The following HSD17B12 variants were observed in gnomAD, a reference collection of about 807,000 sequenced individuals.
HSD17B12 encodes the protein very-long-chain 3-oxoacyl-CoA reductase.
Under a neutral mutation model 39.3 loss-of-function variants are expected in HSD17B12, and 32 were observed. The observed-to-expected ratio is 0.81, with a 90% confidence interval of 0.61 to 1.09. The LOEUF (loss-of-function observed/expected upper bound fraction) is 1.09. Ranked by LOEUF, HSD17B12 falls within the 50% of genes least tolerant of loss-of-function variation. The probability of loss-of-function intolerance (pLI) is 0.00; values close to 1 mark genes in which losing one functional copy is unlikely to be tolerated. For synonymous variants in HSD17B12, 150 were observed against 146.7 expected, an observed-to-expected ratio of 1.02 and a Z score of -0.16; for missense variants, 342 against 382.9, an observed-to-expected ratio of 0.89 and a Z score of 0.89.
intron 4 of HSD17B12, among the ~76,000 whole-genome samples, chr11:43,808,489 A>C (rs1007862444): frequency 3.3e-5 from 5 of 152,198 alleles, no homozygotes; most frequent in Non-Finnish European, 7.3e-5. Flanking sequence ...CCTTTTACTT[A>C]AAACTGGGTA....
intron 1 of HSD17B12, among the ~76,000 whole-genome samples, chr11:43,682,019 G>C (rs767386306): frequency 6.6e-6 from 1 of 152,066 alleles, no homozygotes; most frequent in Non-Finnish European, 1.5e-5. Flanking sequence ...GAATTTTGGG[G>C]TGGTTAGGCA....
intron 2 of HSD17B12, 65 bp from the exon 3 acceptor site, chr11:43,753,981 T>TA: frequency 2.9e-6 from 3 of 1,021,076 alleles, no homozygotes; most frequent in Non-Finnish European, 4.5e-6. Context: ...AAATGGGGGT[T>TA]ATAGCTCATT....
chr11:43,780,676 A>G (rs1315258827), intron 3 of HSD17B12, among the ~76,000 whole-genome samples: 4 of 152,204 alleles, frequency 2.6e-5, no homozygotes, highest in African/African-American at 4.8e-5. Flanking sequence ...CCACTGGGAT[A>G]AAATAGGTGA....
chr11:43,705,761 C>CTT (rs56979348), intron 1 of HSD17B12, among the ~76,000 whole-genome samples: 67 of 62,452 alleles, frequency 1.1e-3, no homozygotes, highest in African/African-American at 4.3e-3. Flanking sequence ...CCTCTCTCCT[C>CTT]TTTTTTTTTT....
At chr11:43,648,190 G>T in the HSD17B12 span, among the ~76,000 whole-genome samples, 1 of 151,966 alleles carries the variant, frequency 6.6e-6, no homozygotes, top group Admixed American at 6.5e-5. Flanking sequence ...GTGTGCCTTT[G>T]TGGGGTTCCA....
At chr11:43,768,220 T>G (rs927996699) in intron 3 of HSD17B12, among the ~76,000 whole-genome samples, 1 of 152,224 alleles carries the variant, frequency 6.6e-6, no homozygotes, top group Non-Finnish European at 1.5e-5. Context: ...CAGAATTACA[T>G]CACATCAACA....
the HSD17B12 span, among the ~76,000 whole-genome samples, chr11:43,657,216 A>T: frequency 6.6e-6 from 1 of 152,202 alleles, no homozygotes; most frequent in African/African-American, 2.4e-5. Flanking sequence ...CGAGATTAAG[A>T]TTGCAACCCC....
intron 6 of HSD17B12, among the ~76,000 whole-genome samples, chr11:43,820,267 G>A (rs1236878427): frequency 6.6e-6 from 1 of 152,138 alleles, no homozygotes; most frequent in Non-Finnish European, 1.5e-5. Flanking sequence ...TTTTAGAAAG[G>A]CAGTTCTATT....
chr11:43,750,365 A>G (rs1950454497), intron 1 of HSD17B12, among the ~76,000 whole-genome samples: 1 of 152,120 alleles, frequency 6.6e-6, no homozygotes, highest in Non-Finnish European at 1.5e-5. Flanking sequence ...TGTTTTGCAT[A>G]TATCAGTAGT....
the HSD17B12 span, among the ~76,000 whole-genome samples, chr11:43,606,651 A>G: frequency 6.6e-6 from 1 of 152,186 alleles, no homozygotes; most frequent in African/African-American, 2.4e-5. Flanking sequence ...GGACTCAAAC[A>G]CAGGACTGTT....
chr11:43,845,274 A>G (rs1352757118), intron 9 of HSD17B12, among the ~76,000 whole-genome samples: 1 of 152,236 alleles, frequency 6.6e-6, no homozygotes, highest in Non-Finnish European at 1.5e-5. Flanking sequence ...GTGAGCCACC[A>G]CACCCAACCA....
At chr11:43,730,223 C>T (rs1307666357) in intron 1 of HSD17B12, among the ~76,000 whole-genome samples, 1 of 152,010 alleles carries the variant, frequency 6.6e-6, no homozygotes, top group African/African-American at 2.4e-5. Context: ...AGAACCAGGA[C>T]CAGAAAATAG....
At chr11:43,637,217 C>CTTTTTTTTT in the HSD17B12 span, among the ~76,000 whole-genome samples, 2 of 109,474 alleles carry the variant, frequency 1.8e-5, no homozygotes, top group Non-Finnish European at 3.6e-5. Flanking sequence ...GGTGTTTTTC[C>CTTTTTTTTT]TTTTTTTTTT....
At chr11:43,597,346 G>A in the HSD17B12 span, among the ~76,000 whole-genome samples, 2 of 152,296 alleles carry the variant, frequency 1.3e-5, no homozygotes, top group African/African-American at 4.8e-5. Context: ...AAATGTTGGT[G>A]AATATATTGT....
chr11:43,659,121 G>A, the HSD17B12 span, among the ~76,000 whole-genome samples: 33 of 152,232 alleles, frequency 2.2e-4, no homozygotes, highest in Admixed American at 8.5e-4. Flanking sequence ...CCTCGCTGCT[G>A]CCTTGCAGTT....
In HSD17B12 at chr11:43,690,388, ATATATATATATATATAT is replaced by A. The variant is rs1314361872; in HGVS notation, c.160+9403_160+9419del. ...TATATATATATATATATATATATAT[ATATATATATATATATAT>A]TTTTTTTTTTTTTTTTCTGAGACAG... is the stretch of plus-strand genomic sequence containing the variant. On this transcript the variant is annotated intron_variant, in intron 1 of 10. Transcript: ENST00000278353. Among the ~76,000 whole-genome samples the A allele has an allele frequency of 3.0e-3, 35 of 11,788 alleles. 6 individuals are homozygous for A. Among genetic ancestry groups the A allele is most frequent in the African/African-American group, 0.017 (32 of 1,854 alleles). The allele number at this position is 11,788 out of a possible 152,430, so 7.7% of individuals were successfully genotyped here.
At chr11:43,706,457 T>C (rs1027395371) in intron 1 of HSD17B12, among the ~76,000 whole-genome samples, 8 of 152,214 alleles carry the variant, frequency 5.3e-5, no homozygotes, top group Admixed American at 3.3e-4. Flanking sequence ...GTAGAAGCAT[T>C]GCTTGAACCT....
upstream of HSD17B12, among the ~76,000 whole-genome samples, chr11:43,678,154 G>A (rs1215916162): frequency 6.6e-6 from 1 of 151,798 alleles, no homozygotes; most frequent in African/African-American, 2.4e-5. Flanking sequence ...ATCTCATTGT[G>A]GTTTTGATTT....
the HSD17B12 span, among the ~76,000 whole-genome samples, chr11:43,672,796 C>T: frequency 2.0e-5 from 3 of 152,200 alleles, no homozygotes; most frequent in African/African-American, 7.2e-5. Context: ...CTGCCTCGGC[C>T]TCCCAAAGTG....
Sources: gnomAD v4.1 joint callset for allele counts (sites outside exome capture counted in the v4.1 genomes callset) on GRCh38, gnomAD v4.1.1 for gene constraint, MANE v1.5 for transcripts, NCBI Gene and HGNC (gene_info 2026-07-23, HGNC 2026-07-21) for gene names.